PRKCH: variants seen among roughly 807,000 people sequenced by gnomAD.
The protein encoded by PRKCH is protein kinase C eta type.
A neutral mutation model predicts 82.5 loss-of-function variants in PRKCH; 28 were observed. The observed-to-expected ratio is 0.34, with a 90% confidence interval of 0.25 to 0.47. The LOEUF is 0.47. PRKCH is among the 20% of genes least tolerant of loss of function. The pLI is 1.00. For synonymous variants in PRKCH, 322 were observed against 327.4 expected (o/e 0.98, Z 0.18); for missense variants, 705 against 881.8 (o/e 0.80, Z 2.54).
chr14:61,431,057 C>A (rs1883369747), intron 2 of PRKCH, among the ~76,000 whole-genome samples: 1 of 152,226 alleles, frequency 6.6e-6, no homozygotes, highest in Non-Finnish European at 1.5e-5. Flanking sequence ...CCCGGCCAAT[C>A]AGTAGCTTCC....
intron 10 of PRKCH, among the ~76,000 whole-genome samples, chr14:61,500,376 T>A (rs1886850007): frequency 6.6e-6 from 1 of 151,958 alleles, no homozygotes; most frequent in Admixed American, 6.6e-5. Context: ...TTTTGTAATA[T>A]TTTTAGAGAT....
At chr14:61,261,175 T>G (rs1393501237) in intron 1 of PRKCH, among the ~76,000 whole-genome samples, 2 of 152,136 alleles carry the variant, frequency 1.3e-5, no homozygotes, top group Non-Finnish European at 2.9e-5. Context: ...TAAACTAAAC[T>G]GTTGCCGTCA....
At chr14:61,387,877 G>A (rs1016771333) in intron 1 of PRKCH, among the ~76,000 whole-genome samples, 3 of 152,202 alleles carry the variant, frequency 2.0e-5, no homozygotes, top group Non-Finnish European at 4.4e-5. Flanking sequence ...GCTGGGTGTG[G>A]TGGCTCATGC....
chr14:61,547,840 C>T lies in PRKCH; in HGVS notation c.1859C>T (p.Ala620Val), dbSNP rs764133551. 7.4e-6 allele frequency: 12 copies of T among 1,613,972 alleles called. No homozygotes were observed. The South Asian group carries it at 9.9e-5, about 13-fold the overall frequency. ...RHPFFKEIDW[A>V]QLNHRQIEPP... ...CCTTTTTTTAAGGAAATCGACTGGG[C>T]CCAGCTGAACCATCGCCAAATAGAA... The change falls in exon 13 of 14, where the codon GCC (alanine) becomes GTC (valine). Residue 620 changes from alanine to valine, a missense_variant. This residue lies in a region of PRKCH where 91 missense variants were observed against 81.2 expected (regional missense o/e 1.12). Transcript: ENST00000332981.
At chr14:61,543,222 G>A (rs1444525589) in intron 12 of PRKCH, 1 of 152,182 alleles carries the variant, frequency 6.6e-6, no homozygotes, top group Non-Finnish European at 1.5e-5. Flanking sequence ...CTTAGAACTA[G>A]CGTCAGGAGG....
At chr14:61,541,871 C>T (rs927081131) in intron 12 of PRKCH, among the ~76,000 whole-genome samples, 13 of 152,294 alleles carry the variant, frequency 8.5e-5, no homozygotes, top group African/African-American at 3.1e-4. Flanking sequence ...TCCTGTGTGC[C>T]CACAAGATGT....
At chr14:61,345,688 T>C (rs1478365229) in intron 1 of PRKCH, among the ~76,000 whole-genome samples, 5 of 152,222 alleles carry the variant, frequency 3.3e-5, no homozygotes, top group Admixed American at 6.5e-5. Flanking sequence ...CTTCAAGATA[T>C]TCAGATTCTC....
chr14:61,352,718 G>GAAAGAAAA (rs1555378114), intron 1 of PRKCH, among the ~76,000 whole-genome samples: 5 of 151,482 alleles, frequency 3.3e-5, no homozygotes, highest in Admixed American at 2.6e-4. Context: ...AAGAAAGAAA[G>GAAAGAAAA]AAAGAAAGAA....
chr14:61,279,011 A>G (rs2045230429), intron 1 of PRKCH: 1 of 150,778 alleles, frequency 6.6e-6, no homozygotes, highest in Admixed American at 6.6e-5. Context: ...ACACACACAC[A>G]CAATGACAAA....
intron 2 of PRKCH, among the ~76,000 whole-genome samples, chr14:61,426,292 G>A (rs1189758422): frequency 6.6e-6 from 1 of 152,176 alleles, no homozygotes; most frequent in Admixed American, 6.5e-5. Flanking sequence ...ACACTGCCAA[G>A]CTGTCACCTT....
At chr14:61,332,176 C>A (rs570838066) in intron 1 of PRKCH, among the ~76,000 whole-genome samples, 1 of 152,294 alleles carries the variant, frequency 6.6e-6, no homozygotes, top group South Asian at 2.1e-4. Flanking sequence ...TATGTATCCA[C>A]CCAGGGTGAT....
chr14:61,426,529 T>C (rs1366875365), intron 2 of PRKCH, among the ~76,000 whole-genome samples: 1 of 152,240 alleles, frequency 6.6e-6, no homozygotes, highest in Non-Finnish European at 1.5e-5. Flanking sequence ...TTCTTAATAA[T>C]GCTTTGATCT....
At chr14:61,451,531 A>G (rs1884508735) in intron 6 of PRKCH, among the ~76,000 whole-genome samples, 1 of 152,182 alleles carries the variant, frequency 6.6e-6, no homozygotes, top group African/African-American at 2.4e-5. Flanking sequence ...GGTAGAATGA[A>G]GGAAGATAAA....
At chr14:61,412,384 A>G (rs950537847) in intron 2 of PRKCH, among the ~76,000 whole-genome samples, 7 of 152,334 alleles carry the variant, frequency 4.6e-5, no homozygotes, top group Admixed American at 6.5e-5. Context: ...GATTTGAAAC[A>G]TGGGTTGCTT....
At chr14:61,474,464 A>T (rs1885639921) in intron 9 of PRKCH, among the ~76,000 whole-genome samples, 1 of 152,166 alleles carries the variant, frequency 6.6e-6, no homozygotes, top group African/African-American at 2.4e-5. Flanking sequence ...CAGATTGCAA[A>T]AATGGTTTGG....
chr14:61,321,975 A>T lies in PRKCH; in HGVS notation c.-127A>T. ...CAGAATGGCCAGTCGAGGGGCGCTT[A>T]GGCGCTGCCTTTCCCCAGGGCTGCC... On this transcript the variant is annotated 5_prime_UTR_variant, in exon 1 of 14. Transcript: ENST00000332981. This position sits in a 1 kb window ranked among gnomAD's most constrained non-coding sequence, Gnocchi z 4.1. The T allele has an allele frequency of 9.8e-7, 1 of 1,024,474 alleles. No homozygotes were observed. The highest frequency in any genetic ancestry group is 1.4e-6 in the Non-Finnish European group (1 of 724,848). 63.5% of individuals were successfully genotyped at this position (1,024,474 alleles called of 1,614,324 possible).
At chr14:61,252,926 A>G (rs2044959331) in intron 1 of PRKCH, among the ~76,000 whole-genome samples, 2 of 152,098 alleles carry the variant, frequency 1.3e-5, no homozygotes, top group South Asian at 2.1e-4. Flanking sequence ...ACACACACAC[A>G]AGCAAGGGAC....
Position 61,321,749 on chromosome 14 carries a change from A to T in PRKCH, c.-353A>T, listed in dbSNP as rs944429450. ...GACGCTTGGGGCTGGGGCTCACCGG[A>T]CGGGTAGGTCCGGCTCTCCAGGGAG... On this transcript the variant is annotated 5_prime_UTR_variant, in exon 1 of 14. Coordinates refer to ENST00000332981, the MANE Select transcript of PRKCH (RefSeq NM_006255.5). This position sits in a 1 kb window ranked among gnomAD's most constrained non-coding sequence, Gnocchi z 4.1. The T allele has an allele frequency of 2.2e-5, 4 of 178,924 alleles. No homozygotes were observed. The highest frequency in any genetic ancestry group is 3.5e-5 in the Non-Finnish European group (3 of 85,484). 11.1% of individuals were successfully genotyped at this position (178,924 alleles called of 1,614,324 possible).
chr14:61,353,938 G>C (rs574155584), intron 1 of PRKCH: 1 of 152,038 alleles, frequency 6.6e-6, no homozygotes, highest in African/African-American at 2.4e-5. Flanking sequence ...CCCTACCTCT[G>C]AAAAAATAAT....
Sources: gnomAD v4.1 joint callset for allele counts (sites outside exome capture counted in the v4.1 genomes callset) on GRCh38, gnomAD v4.1.1 for gene constraint, gnomAD v4.1.1 regional missense constraint, Gnocchi (gnomAD v3.1) non-coding constraint, MANE v1.5 for transcripts, NCBI Gene and HGNC (gene_info 2026-07-23, HGNC 2026-07-21) for gene names.